TBATA: variants seen among roughly 807,000 people sequenced by gnomAD.
TBATA encodes the protein thymus, brain and testes associated.
In TBATA, 47 loss-of-function variants were observed where a neutral mutation model predicts 38.7. That is an observed-to-expected ratio of 1.21 (90% CI 0.96 to 1.55). TBATA has a LOEUF of 1.55. Ranked by LOEUF, TBATA falls within the 40% of genes most tolerant of loss-of-function variation. TBATA has a pLI of 0.00. For synonymous variants in TBATA, 183 were observed against 170.5 expected (o/e 1.07, Z -0.57); for missense variants, 436 against 435.6 (o/e 1.00, Z -0.01).
intron 2 of TBATA, 62 bp from the exon 3 acceptor site, chr10:70,783,587 C>T (rs1450718547): frequency 1.9e-6 from 1 of 525,884 alleles, no homozygotes; most frequent in Non-Finnish European, 3.4e-6. Flanking sequence ...TATCACCCAG[C>T]AATTTCTTTC....
chr10:70,775,664 G>A (rs1843303567), intron 7 of TBATA, among the ~76,000 whole-genome samples: 1 of 152,120 alleles, frequency 6.6e-6, no homozygotes, highest in African/African-American at 2.4e-5. Context: ...GTCCGAGCTG[G>A]CCAGTCAGCT....
chr10:70,778,619 ACTC>A lies in TBATA; in HGVS notation c.442_444del (p.Glu148del). The stretch of plus-strand genomic sequence containing the variant: ...GCCACCCGGGAAGCTAGCTCCTTCA[ACTC>A]CTTCTTCCAGGCTTCTGGGAGGAGG... On this transcript the variant is annotated inframe_deletion, in exon 6 of 11. Transcript: ENST00000456372. 1 of 1,613,624 alleles carries A rather than the reference ACTC, an allele frequency of 6.2e-7. No homozygotes were observed. The highest frequency in any genetic ancestry group is 1.1e-5 in the South Asian group (1 of 91,058).
In TBATA at chr10:70,774,305, G is replaced by C; in HGVS notation, c.828C>G (p.Pro276=). ...CTGTAGGGATGGAGACTAGGGGCTG[G>C]GGAAGGAGCTGAGCCACTGCTGTCT... ...LLQTAVAQLL[P]QPLVSIPTEK... is the part of the protein sequence containing the mutation. Residue 276 remains proline (P), a synonymous_variant, in exon 9 of 11, where the codon CCC becomes CCG. Coordinates refer to ENST00000456372, the MANE Select transcript of TBATA (RefSeq NM_001318241.2). 2 of 1,608,394 alleles carry C rather than the reference G, an allele frequency of 1.2e-6. No individual in the cohort carries two copies. The highest frequency in any genetic ancestry group is 1.7e-6 in the Non-Finnish European group (2 of 1,178,086).
intron 9 of TBATA, among the ~76,000 whole-genome samples, chr10:70,772,897 C>T (rs943267123): frequency 3.9e-5 from 6 of 152,226 alleles, no homozygotes; most frequent in African/African-American, 1.4e-4. Flanking sequence ...GACTCACTCG[C>T]TCCACTGGTT....
chr10:70,776,233 G>A, intron 7 of TBATA: 1 of 413,564 alleles, frequency 2.4e-6, no homozygotes, highest in South Asian at 1.8e-5. Flanking sequence ...TGCCTGCTTA[G>A]GGGTCCACCC....
chr10:70,772,501 C>T lies in TBATA; in HGVS notation c.973+13G>A. 2 of 1,614,066 alleles carry T rather than the reference C, an allele frequency of 1.2e-6. No individual in the cohort carries two copies. The highest frequency in any genetic ancestry group is 1.7e-6 in the Non-Finnish European group (2 of 1,179,896). Reference sequence around the variant, plus strand: ...GGTGAGTCCCCCAAATGACCCACTACTTGGAATCTTACCTGGTTTTTCGCT... The same window carrying T: ...GGTGAGTCCCCCAAATGACCCACTATTTGGAATCTTACCTGGTTTTTCGCT... On this transcript the variant is annotated intron_variant, in intron 10 of 10. Transcript: ENST00000456372.
intron 7 of TBATA, among the ~76,000 whole-genome samples, chr10:70,775,955 A>G (rs1229073281): frequency 4.6e-5 from 7 of 152,178 alleles, no homozygotes; most frequent in Admixed American, 4.6e-4. Context: ...TGCGTTCTCC[A>G]GTCAGTTAGC....
At chr10:70,779,509 C>T in intron 5 of TBATA, 84 bp downstream of exon 5, 1 of 1,395,790 alleles carries the variant, frequency 7.2e-7, no homozygotes, top group East Asian at 2.8e-5. Flanking sequence ...ATGGCCCTTT[C>T]CTTCTGGGCA....
Position 70,772,496 on chromosome 10 carries a change from C to T in TBATA, c.973+18G>A, listed in dbSNP as rs1196120288. 6.2e-7 allele frequency: 1 copy of T among 1,613,758 alleles called. No individual in the cohort carries two copies. The highest frequency in any genetic ancestry group is 8.5e-7 in the Non-Finnish European group (1 of 1,179,622). Reference sequence around the variant, plus strand: ...GCCTTGGTGAGTCCCCCAAATGACCCACTACTTGGAATCTTACCTGGTTTT... The same window carrying T: ...GCCTTGGTGAGTCCCCCAAATGACCTACTACTTGGAATCTTACCTGGTTTT... On this transcript the variant is annotated intron_variant, in intron 10 of 10. Coordinates refer to ENST00000456372, the MANE Select transcript of TBATA (RefSeq NM_001318241.2).
At position 70,777,093 on chromosome 10, in the gene TBATA, C is replaced by A; in HGVS notation, c.693+60G>T. 4 of 1,553,682 alleles carry A rather than the reference C, an allele frequency of 2.6e-6. No individual in the cohort carries two copies. In the Admixed American group the frequency reaches 5.5e-5, roughly 21 times the overall value. On this transcript the variant is annotated intron_variant, in intron 7 of 10. Coordinates refer to ENST00000456372, the MANE Select transcript of TBATA (RefSeq NM_001318241.2). ...CCCTGGGAGGGGCCTTGCCCTAAAG[C>A]GGTTTGTAAGACCCCTAATGTGGAG...
In TBATA at chr10:70,784,793, T is replaced by G. The variant is rs547515788; in HGVS notation, c.-273-20A>C. ...TCCTGCCTATGGGAAAAAGTACTCT[T>G]TAGAACAGAGACTTGCAAATGTGTT... On this transcript the variant is annotated intron_variant, in intron 1 of 10. Coordinates refer to ENST00000456372, the MANE Select transcript of TBATA (RefSeq NM_001318241.2). The G allele has an allele frequency of 2.6e-5, 4 of 152,248 alleles. No individual in the cohort carries two copies. The South Asian group carries it at 8.3e-4, about 32-fold the overall frequency. The allele number at this position is 152,248 out of a possible 1,614,324, so 9.4% of individuals were successfully genotyped here. A position where few individuals can be genotyped will look rare whatever the true frequency, so the allele number is the denominator to read the frequency against.
intron 6 of TBATA, among the ~76,000 whole-genome samples, 177 bp from the exon 7 acceptor site, chr10:70,777,515 C>T (rs1843578293): frequency 1.3e-5 from 2 of 152,044 alleles, no homozygotes; most frequent in Non-Finnish European, 2.9e-5. Flanking sequence ...CCCCCCCAAC[C>T]TCACCTGCCC....
chr10:70,773,677 A>T (rs1286283744), intron 9 of TBATA, among the ~76,000 whole-genome samples: 4 of 152,152 alleles, frequency 2.6e-5, no homozygotes, highest in Non-Finnish European at 4.4e-5. Context: ...AATGGAGCTA[A>T]TACTGCCTCA....
At chr10:70,779,849 C>A in intron 4 of TBATA, 107 bp from the exon 5 acceptor site, 1 of 1,146,064 alleles carries the variant, frequency 8.7e-7, no homozygotes, top group Non-Finnish European at 1.2e-6. Context: ...CCACCTCTTC[C>A]AGTAACCACC....
At chr10:70,780,206 C>A (rs1843992019) in intron 4 of TBATA, among the ~76,000 whole-genome samples, 1 of 152,120 alleles carries the variant, frequency 6.6e-6, no homozygotes, top group Admixed American at 6.5e-5. Flanking sequence ...CAGAAAACTT[C>A]TGCTTTGGTC....
At chr10:70,776,061 G>C (rs1054928914) in intron 7 of TBATA, among the ~76,000 whole-genome samples, 1 of 152,212 alleles carries the variant, frequency 6.6e-6, no homozygotes, top group African/African-American at 2.4e-5. Flanking sequence ...CTGGAGTTGG[G>C]GCCTGAGGTG....
intron 4 of TBATA, 84 bp from the exon 5 acceptor site, chr10:70,779,826 G>A (rs1316608296): frequency 5.5e-5 from 76 of 1,387,736 alleles, no homozygotes; most frequent in Non-Finnish European, 5.6e-5. Flanking sequence ...TGAGAGGCAG[G>A]GTGATTCCGG....
intron 4 of TBATA, among the ~76,000 whole-genome samples, 176 bp downstream of exon 4, chr10:70,781,625 C>A (rs2132961661): frequency 6.6e-6 from 1 of 152,344 alleles, no homozygotes; most frequent in African/African-American, 2.4e-5. Context: ...CCCTTGGAGG[C>A]TTCTCTCCTG....
chr10:70,783,256 G>C lies in TBATA; in HGVS notation c.41+83C>G. The C allele has an allele frequency of 5.3e-6, 8 of 1,512,748 alleles. No individual in the cohort carries two copies. In the South Asian group the frequency reaches 9.0e-5, roughly 17 times the overall value. 93.7% of individuals were successfully genotyped at this position (1,512,748 alleles called of 1,614,324 possible). ...CTCTCTTGGACTCCTAATCTGTTGAGATCCCCCAAGGCCACCTTTGTCTTC... is the reference window on the plus strand; with the variant it reads ...CTCTCTTGGACTCCTAATCTGTTGACATCCCCCAAGGCCACCTTTGTCTTC... On this transcript the variant is annotated intron_variant, in intron 3 of 10. Transcript: ENST00000456372.
Sources: allele counts gnomAD v4.1 joint callset (sites outside exome capture counted in the v4.1 genomes callset), GRCh38; gene constraint gnomAD v4.1.1; transcripts MANE v1.5; gene names NCBI Gene and HGNC (gene_info 2026-07-23, HGNC 2026-07-21).